ANK3: variants seen among roughly 807,000 people sequenced by gnomAD.
ANK3 encodes the protein ankyrin 3.
In ANK3, 57 loss-of-function variants were observed where a neutral mutation model predicts 370.9. That is an observed-to-expected ratio of 0.15 (90% CI 0.12 to 0.19). The LOEUF is 0.19. Ranked by LOEUF, ANK3 falls within the 10% of genes least tolerant of loss-of-function variation. The pLI, the probability that ANK3 is intolerant of heterozygous loss-of-function variation, is 1.00. For synonymous variants in ANK3, 1,929 were observed against 1,946.3 expected, an observed-to-expected ratio of 0.99 and a Z score of 0.23; for missense variants, 4,439 against 5,302.1, an observed-to-expected ratio of 0.84 and a Z score of 5.06.
chr10:60,569,537 C>G (rs1276803153), intron 2 of ANK3, among the ~76,000 whole-genome samples: 1 of 152,122 alleles, frequency 6.6e-6, no homozygotes, highest in African/African-American at 2.4e-5. Context: ...TCTTCACATT[C>G]CAGAACAAAA....
intron 42 of ANK3, among the ~76,000 whole-genome samples, chr10:60,047,587 A>G (rs1335303686): frequency 6.6e-6 from 1 of 152,252 alleles, no homozygotes; most frequent in Non-Finnish European, 1.5e-5. Context: ...AATGGAATGA[A>G]CGGATAGAAC....
intron 2 of ANK3, among the ~76,000 whole-genome samples, chr10:60,444,363 TATATAAC>T (rs963865944): frequency 2.6e-5 from 4 of 151,204 alleles, no homozygotes; most frequent in African/African-American, 4.9e-5. Context: ...AAAAACCATA[TATATAAC>T]ATATAAGTGT....
At chr10:60,366,735 T>G (rs150010264) in intron 1 of ANK3, among the ~76,000 whole-genome samples, 73 of 152,270 alleles carry the variant, frequency 4.8e-4, no homozygotes, top group African/African-American at 1.7e-3. Context: ...GTATAACTTC[T>G]GTGAAAATGA....
intron 24 of ANK3, among the ~76,000 whole-genome samples, chr10:60,137,050 C>T (rs1191521155): frequency 6.6e-6 from 1 of 152,024 alleles, no homozygotes; most frequent in East Asian, 1.9e-4. Flanking sequence ...ACTTTTTCTG[C>T]AAACCCAGTG....
chr10:60,545,013 C>T (rs895761856), intron 2 of ANK3, among the ~76,000 whole-genome samples: 2 of 210 alleles, frequency 9.5e-3, no homozygotes, highest in Admixed American at 0.042. Context: ...GATTCTTCCC[C>T]GGAAGGCTCT....
Position 60,694,996 on chromosome 10 carries a change from G to A in ANK3, c.57+38267C>T, listed in dbSNP as rs200246364. On this transcript the variant is annotated intron_variant, in intron 1 of 43. Transcript: ENST00000373827. ...AGACCCATCAGTGTGCTGTATTCAG[G>A]AAACCCATCTCACGTGCAGAGACAC... 2.5e-3 allele frequency among the ~76,000 whole-genome samples: 376 copies of A among 147,608 alleles called. 9 individuals carry two copies. Among genetic ancestry groups the A allele is most frequent in the Admixed American group, 0.02 (291 of 14,680 alleles).
chr10:60,035,717 C>T (rs1295020654), intron 43 of ANK3, among the ~76,000 whole-genome samples: 5 of 151,322 alleles, frequency 3.3e-5, no homozygotes, highest in South Asian at 2.1e-4. Flanking sequence ...AGGCGGGGTG[C>T]GGTGGCTCAC....
At chr10:60,690,652 C>T (rs1212944223) in intron 1 of ANK3, among the ~76,000 whole-genome samples, 2 of 151,978 alleles carry the variant, frequency 1.3e-5, no homozygotes, top group Non-Finnish European at 2.9e-5. Context: ...GCCTACTGGA[C>T]AAATCTAGGG....
chr10:60,332,700 A>T lies in ANK3; in HGVS notation c.115-53061T>A, dbSNP rs572450917. On this transcript the variant is annotated intron_variant, in intron 1 of 43. Coordinates refer to ENST00000280772, the MANE Select transcript of ANK3 (RefSeq NM_020987.5). Reference sequence around the variant, plus strand: ...AAAGGCCAAAAATAAATATATAAATAAGAGCACCCTATTCTAATTTCTAAA... The same window carrying T: ...AAAGGCCAAAAATAAATATATAAATTAGAGCACCCTATTCTAATTTCTAAA... Among the ~76,000 whole-genome samples, 3 of 152,320 alleles carry T rather than the reference A, an allele frequency of 2.0e-5. No individual in the cohort carries two copies. In the South Asian group the frequency reaches 6.2e-4, roughly 32 times the overall value.
chr10:60,437,836 T>C (rs1005846164), intron 2 of ANK3, among the ~76,000 whole-genome samples: 63 of 152,332 alleles, frequency 4.1e-4, no homozygotes, highest in Admixed American at 2.3e-3. Flanking sequence ...AAGCAACTTA[T>C]GCAGTACCTC....
intron 1 of ANK3, among the ~76,000 whole-genome samples, chr10:60,301,664 A>C (rs2043853934): frequency 2.0e-5 from 3 of 151,866 alleles, no homozygotes; most frequent in Non-Finnish European, 4.4e-5. Context: ...TGATCTGCCC[A>C]CCTCAGTCTC....
At chr10:60,680,229 C>T (rs970978134) in intron 1 of ANK3, among the ~76,000 whole-genome samples, 1 of 152,046 alleles carries the variant, frequency 6.6e-6, no homozygotes, top group Non-Finnish European at 1.5e-5. Context: ...CTGCTTTAAG[C>T]CCCTCAGTTG....
chr10:60,447,813 C>T (rs1172762541), intron 2 of ANK3, among the ~76,000 whole-genome samples: 1 of 152,134 alleles, frequency 6.6e-6, no homozygotes, highest in Non-Finnish European at 1.5e-5. Context: ...CCTAGATACG[C>T]AACCCTCCTT....
At chr10:60,536,522 C>T (rs1401499272) in intron 2 of ANK3, among the ~76,000 whole-genome samples, 1 of 151,994 alleles carries the variant, frequency 6.6e-6, no homozygotes, top group Non-Finnish European at 1.5e-5. Context: ...GAGTATGTTT[C>T]TAAAATAGTC....
At chr10:60,721,431 T>G (rs1038875587) in intron 1 of ANK3, among the ~76,000 whole-genome samples, 2 of 152,110 alleles carry the variant, frequency 1.3e-5, no homozygotes, top group Admixed American at 6.5e-5. Context: ...AAATAAAGAG[T>G]AAAACTGTTT....
intron 2 of ANK3, among the ~76,000 whole-genome samples, chr10:60,512,666 G>A (rs1220438410): frequency 6.6e-6 from 1 of 151,970 alleles, no homozygotes; most frequent in Non-Finnish European, 1.5e-5. Context: ...AAACCTTATG[G>A]CAATCTGGAA....
chr10:60,056,581 G>A (rs10821664), intron 41 of ANK3, among the ~76,000 whole-genome samples: 138,946 of 152,194 alleles, frequency 0.91, 64,217 homozygotes, highest in Non-Finnish European at 0.99. Context: ...CTATGCTCTC[G>A]TCTAAATAAA....
At chr10:60,115,834 T>C (rs2093042023) in intron 25 of ANK3, among the ~76,000 whole-genome samples, 1 of 151,860 alleles carries the variant, frequency 6.6e-6, no homozygotes, top group African/African-American at 2.4e-5. Flanking sequence ...CCCTTAGAAA[T>C]AGAAGAGAAG....
rs2133168945 is a variant in ANK3 at position 60,514,424 on chromosome 10, G to A, written c.96+100762C>T. 2.0e-5 allele frequency among the ~76,000 whole-genome samples: 3 copies of A among 152,168 alleles called. No individual in the cohort carries two copies. The South Asian group carries it at 6.2e-4, about 32-fold the overall frequency. ...GCAATCAGAATGGCCCAGGTGAACT[G>A]GGCTTAGAGTTCACCTGGTTGATTA... On this transcript the variant is annotated intron_variant, in intron 2 of 43. Transcript: ENST00000373827.
Sources: allele counts gnomAD v4.1 joint callset (sites outside exome capture counted in the v4.1 genomes callset), GRCh38; gene constraint gnomAD v4.1.1; transcripts MANE v1.5; gene names NCBI Gene and HGNC (gene_info 2026-07-23, HGNC 2026-07-21).